The following CTNNA2 variants were observed in gnomAD, a reference collection of about 807,000 sequenced individuals.
The protein encoded by CTNNA2 is catenin alpha-2.
In CTNNA2, 42 loss-of-function variants were observed where a neutral mutation model predicts 101.0. The ratio of observed to expected loss-of-function variants is 0.42; its 90% confidence interval spans 0.32 to 0.54. The LOEUF (loss-of-function observed/expected upper bound fraction) is 0.54, where lower values mean the gene tolerates loss of function less well. Among genes scored for constraint, CTNNA2 ranks in the 20% least tolerant of loss-of-function variants. The pLI is 0.14. For synonymous variants in CTNNA2, 450 were observed against 456.4 expected, an observed-to-expected ratio of 0.99 and a Z score of 0.18; for missense variants, 871 against 1,223.1, an observed-to-expected ratio of 0.71 and a Z score of 4.29.
intron 7 of CTNNA2, among the ~76,000 whole-genome samples, chr2:80,279,420 T>C (rs1674190112): frequency 6.6e-6 from 1 of 152,188 alleles, no homozygotes; most frequent in Non-Finnish European, 1.5e-5. Flanking sequence ...CCACTATGAT[T>C]TTCCAAGTGA....
chr2:80,318,420 T>C (rs768604618), intron 7 of CTNNA2, among the ~76,000 whole-genome samples: 6 of 152,238 alleles, frequency 3.9e-5, no homozygotes, highest in East Asian at 1.9e-4. Context: ...GTAGTGAAGA[T>C]AGAGTTGGGA....
intron 7 of CTNNA2, among the ~76,000 whole-genome samples, chr2:80,093,225 A>G (rs890386659): frequency 3.9e-5 from 6 of 152,012 alleles, no homozygotes; most frequent in South Asian, 2.1e-4. Context: ...TCATTGTTCA[A>G]TTCCCACCTG....
intron 3 of CTNNA2, among the ~76,000 whole-genome samples, chr2:79,753,017 C>T (rs1370372204): frequency 2.0e-5 from 3 of 152,118 alleles, no homozygotes; most frequent in East Asian, 1.9e-4. Context: ...GAAATGATCT[C>T]GATTATTTTG....
intron 7 of CTNNA2, among the ~76,000 whole-genome samples, chr2:80,275,771 AT>A (rs1219757224): frequency 6.6e-6 from 1 of 152,194 alleles, no homozygotes; most frequent in Non-Finnish European, 1.5e-5. Flanking sequence ...AATAATCTAA[AT>A]TGTAGTTTAG....
chr2:80,396,843 C>A (rs13024242), intron 8 of CTNNA2, among the ~76,000 whole-genome samples: 1 of 152,204 alleles, frequency 6.6e-6, no homozygotes, highest in Non-Finnish European at 1.5e-5. Context: ...TTCACCCTTA[C>A]TAGCCACCAC....
intron 9 of CTNNA2, among the ~76,000 whole-genome samples, chr2:80,460,469 T>C (rs1684333514): frequency 6.6e-6 from 1 of 152,184 alleles, no homozygotes; most frequent in Non-Finnish European, 1.5e-5. Context: ...TGACATAGGC[T>C]TTAAGAAAAA....
At chr2:79,269,555 G>T (rs1241534278) in intron 2 of CTNNA2, among the ~76,000 whole-genome samples, 1 of 152,088 alleles carries the variant, frequency 6.6e-6, no homozygotes, top group Non-Finnish European at 1.5e-5. Flanking sequence ...AAGTTCCTCA[G>T]GTTATTATTC....
At chr2:79,321,149 A>G (rs1305492280) in intron 3 of CTNNA2, among the ~76,000 whole-genome samples, 1 of 151,494 alleles carries the variant, frequency 6.6e-6, no homozygotes, top group Non-Finnish European at 1.5e-5. Flanking sequence ...CTTATTTAAT[A>G]ATCACACCAA....
intron 7 of CTNNA2, among the ~76,000 whole-genome samples, chr2:80,006,331 C>A (rs769219975): frequency 7.0e-6 from 1 of 142,544 alleles, no homozygotes; most frequent in Admixed American, 7.1e-5. Context: ...ATTTCAGAAT[C>A]ATCATAACAT....
At chr2:79,439,448 CAG>C (rs1433418773) in intron 4 of CTNNA2, among the ~76,000 whole-genome samples, 3 of 152,082 alleles carry the variant, frequency 2.0e-5, no homozygotes, top group Non-Finnish European at 4.4e-5. Context: ...CTGATGGGTA[CAG>C]AGTTTCTTTT....
intron 7 of CTNNA2, among the ~76,000 whole-genome samples, chr2:79,920,035 G>A (rs144293385): frequency 0.016 from 2,324 of 147,004 alleles, 171 homozygotes; most frequent in Admixed American, 0.12. Flanking sequence ...TGACTAACAT[G>A]GTGAAACCCC....
At chr2:79,597,242 G>C (rs541692983) in intron 1 of CTNNA2, among the ~76,000 whole-genome samples, 1 of 152,196 alleles carries the variant, frequency 6.6e-6, no homozygotes, top group South Asian at 2.1e-4. Context: ...GGAGGCCCAG[G>C]CGGCATGATC....
chr2:80,358,380 C>T (rs1263260572), intron 7 of CTNNA2, among the ~76,000 whole-genome samples: 31 of 99,088 alleles, frequency 3.1e-4, no homozygotes, highest in African/African-American at 9.7e-4. Context: ...GATGGAGTTT[C>T]GGTCTTGTCA....
intron 1 of CTNNA2, among the ~76,000 whole-genome samples, chr2:79,622,158 A>G (rs998431283): frequency 6.6e-6 from 1 of 152,242 alleles, no homozygotes; most frequent in Admixed American, 6.5e-5. Flanking sequence ...GTCTTTTTCA[A>G]TCATTCCGAT....
chr2:80,260,929 C>T (rs1047229996), intron 7 of CTNNA2, among the ~76,000 whole-genome samples: 3 of 152,066 alleles, frequency 2.0e-5, no homozygotes, highest in Non-Finnish European at 2.9e-5. Flanking sequence ...CCTGCCAGGC[C>T]GAGTGCAAGT....
chr2:79,917,261 G>C (rs1288483856), intron 7 of CTNNA2, among the ~76,000 whole-genome samples: 4 of 151,820 alleles, frequency 2.6e-5, no homozygotes, highest in African/African-American at 9.7e-5. Flanking sequence ...AGTAGAGACG[G>C]GTTTCAGCAT....
intron 5 of CTNNA2, among the ~76,000 whole-genome samples, chr2:79,872,675 G>T (rs778460268): frequency 2.6e-5 from 4 of 152,076 alleles, no homozygotes; most frequent in Non-Finnish European, 5.9e-5. Context: ...ACCAATTTTC[G>T]TGACAATCTT....
chr2:79,600,052 T>G (rs151230817), intron 1 of CTNNA2, among the ~76,000 whole-genome samples: 2 of 152,298 alleles, frequency 1.3e-5, no homozygotes, highest in Non-Finnish European at 2.9e-5. Flanking sequence ...TCTGTTACTT[T>G]CAGAATGCAA....
chr2:79,877,143 T>C (rs1683087403), intron 6 of CTNNA2, among the ~76,000 whole-genome samples: 1 of 152,042 alleles, frequency 6.6e-6, no homozygotes, highest in African/African-American at 2.4e-5. Flanking sequence ...ATTAAATGTA[T>C]ACTGTTTCTC....
Sources: gnomAD v4.1 joint callset for allele counts (sites outside exome capture counted in the v4.1 genomes callset) on GRCh38, gnomAD v4.1.1 for gene constraint, MANE v1.5 for transcripts, NCBI Gene and HGNC (gene_info 2026-07-23, HGNC 2026-07-21) for gene names.